The following ME1 variants were observed in gnomAD, a reference collection of about 807,000 sequenced individuals.
ME1 encodes the protein NADP-dependent malic enzyme.
Under a neutral mutation model 66.4 loss-of-function variants are expected in ME1, and 74 were observed. The observed-to-expected ratio is 1.11, with a 90% confidence interval of 0.92 to 1.35. The LOEUF is 1.35. ME1 is among the 40% of genes most tolerant of loss of function. The probability of loss-of-function intolerance (pLI) is 0.00; values close to 1 mark genes in which losing one functional copy is unlikely to be tolerated. For synonymous variants in ME1, 251 were observed against 235.6 expected (o/e 1.07, Z -0.60); for missense variants, 750 against 694.1 (o/e 1.08, Z -0.90).
intron 6 of ME1, among the ~76,000 whole-genome samples, chr6:83,277,048 AG>A (rs1767195726): frequency 6.6e-6 from 1 of 152,266 alleles, no homozygotes; most frequent in Non-Finnish European, 1.5e-5. Context: ...TCTGTATTGA[AG>A]TAAACTGCAT....
chr6:83,291,006 T>A (rs1414018276), intron 6 of ME1, among the ~76,000 whole-genome samples: 1 of 152,192 alleles, frequency 6.6e-6, no homozygotes, highest in Non-Finnish European at 1.5e-5. Flanking sequence ...TCAAGCCTGA[T>A]GTGTGTCTCT....
At chr6:83,377,454 T>G (rs1401468822) in intron 3 of ME1, among the ~76,000 whole-genome samples, 2 of 152,190 alleles carry the variant, frequency 1.3e-5, no homozygotes, top group Non-Finnish European at 2.9e-5. Context: ...CAAAAATGTC[T>G]TTTCAGAAAG....
At chr6:83,414,736 G>C (rs1190388818) in intron 1 of ME1, among the ~76,000 whole-genome samples, 1 of 152,058 alleles carries the variant, frequency 6.6e-6, no homozygotes, top group East Asian at 1.9e-4. Flanking sequence ...TCTTTGTAAG[G>C]CTGAAAAATT....
intron 6 of ME1, among the ~76,000 whole-genome samples, chr6:83,256,287 A>G (rs1766765753): frequency 6.6e-6 from 1 of 152,208 alleles, no homozygotes; most frequent in Admixed American, 6.5e-5. Flanking sequence ...CCACTTAAAA[A>G]TCTACAGATT....
At chr6:83,359,195 C>T (rs1333170112) in intron 3 of ME1, among the ~76,000 whole-genome samples, 3 of 151,574 alleles carry the variant, frequency 2.0e-5, no homozygotes, top group South Asian at 2.1e-4. Flanking sequence ...ACATCCCAGA[C>T]GATGCGGGAG....
intron 3 of ME1, among the ~76,000 whole-genome samples, chr6:83,385,432 A>G (rs1769487381): frequency 4.6e-5 from 7 of 151,938 alleles, no homozygotes. Context: ...TTAAGTCAAA[A>G]CACCTGAACG....
intron 3 of ME1, among the ~76,000 whole-genome samples, chr6:83,360,517 T>C (rs1368790441): frequency 3.3e-5 from 5 of 152,154 alleles, no homozygotes; most frequent in East Asian, 1.9e-4. Context: ...ATAATTGGCA[T>C]AGACATACTT....
chr6:83,347,420 T>A (rs1204404675), intron 4 of ME1, among the ~76,000 whole-genome samples: 4 of 152,208 alleles, frequency 2.6e-5, no homozygotes, highest in African/African-American at 7.2e-5. Flanking sequence ...ATTTATTAGA[T>A]AGTCTACAAA....
intron 4 of ME1, among the ~76,000 whole-genome samples, chr6:83,351,137 A>G (rs1267148675): frequency 1.3e-5 from 2 of 152,088 alleles, no homozygotes; most frequent in African/African-American, 2.4e-5. Flanking sequence ...GCTCACACCT[A>G]TTGTTTCAAT....
In ME1 at chr6:83,239,576, A is replaced by G. The variant is rs747297978; in HGVS notation, c.875T>C (p.Leu292Pro). 1 of 1,613,432 alleles carries G rather than the reference A, an allele frequency of 6.2e-7. No homozygotes were observed. The highest frequency in any genetic ancestry group is 8.5e-7 in the Non-Finnish European group (1 of 1,179,458). ...TTGGAATAGTATTGTTTGATCAGAC[A>G]GTTTGTTCTTGGTTATTCGAAGAGC... ...LAALRITKNK[L>P]SDQTILFQGA... The change falls in exon 8 of 14, where the codon CTG becomes CCG. Residue 292 changes from leucine to proline, a missense_variant. Transcript: ENST00000369705.
At chr6:83,380,282 A>G (rs751596996) in intron 3 of ME1, among the ~76,000 whole-genome samples, 3 of 152,116 alleles carry the variant, frequency 2.0e-5, no homozygotes, top group Non-Finnish European at 4.4e-5. Context: ...AAGAGATGAC[A>G]GAGAAGCAGG....
intron 3 of ME1, among the ~76,000 whole-genome samples, chr6:83,387,027 CCA>C (rs1769519894): frequency 6.6e-6 from 1 of 152,042 alleles, no homozygotes; most frequent in Non-Finnish European, 1.5e-5. Context: ...TAAGACAGTG[CCA>C]CAGTCTTATT....
At chr6:83,321,105 C>T (rs530822781) in intron 5 of ME1, among the ~76,000 whole-genome samples, 8 of 152,124 alleles carry the variant, frequency 5.3e-5, no homozygotes, top group African/African-American at 1.2e-4. Flanking sequence ...CTGCCCTGAG[C>T]GACTATGCAC....
chr6:83,246,932 A>G (rs1790634656), intron 7 of ME1, among the ~76,000 whole-genome samples: 1 of 152,154 alleles, frequency 6.6e-6, no homozygotes, highest in African/African-American at 2.4e-5. Flanking sequence ...TTGCTGTTTA[A>G]TAAATTTTTA....
rs551867628 is a variant in ME1, at chr6:83,430,990, G to C, written c.-36C>G. 7.7e-5 allele frequency: 106 copies of C among 1,383,274 alleles called. No individual in the cohort carries two copies. Among genetic ancestry groups the C allele is most frequent in the Non-Finnish European group, 9.8e-5 (103 of 1,048,466 alleles). The allele number at this position is 1,383,274 out of a possible 1,614,324, so 85.7% of individuals were successfully genotyped here. On this transcript the variant is annotated 5_prime_UTR_variant, in exon 1 of 14. Coordinates refer to ENST00000369705, the MANE Select transcript of ME1 (RefSeq NM_002395.6). Reference sequence around the variant, plus strand: ...GGGTTCGGCGGCGGGGTCAGGCCGGGGCGGGCCGCACGCGCGGTGCAGGCG... The same window carrying C: ...GGGTTCGGCGGCGGGGTCAGGCCGGCGCGGGCCGCACGCGCGGTGCAGGCG...
chr6:83,386,031 C>A (rs1459674687), intron 3 of ME1, among the ~76,000 whole-genome samples: 2 of 151,674 alleles, frequency 1.3e-5, no homozygotes, highest in Non-Finnish European at 2.9e-5. Flanking sequence ...TGTTTCATAT[C>A]TTTGAAAAAA....
chr6:83,387,860 T>C (rs532638149), intron 3 of ME1, among the ~76,000 whole-genome samples: 3 of 152,118 alleles, frequency 2.0e-5, no homozygotes, highest in Non-Finnish European at 4.4e-5. Context: ...ATCTGTGACA[T>C]TGCCAAAATC....
intron 12 of ME1, among the ~76,000 whole-genome samples, chr6:83,217,463 C>T (rs553876068): frequency 6.6e-6 from 1 of 152,256 alleles, no homozygotes; most frequent in East Asian, 1.9e-4. Flanking sequence ...CATCAGCAAA[C>T]ATATATGCAC....
At chr6:83,277,955 A>G (rs991323744) in intron 6 of ME1, among the ~76,000 whole-genome samples, 5 of 123,172 alleles carry the variant, frequency 4.1e-5, no homozygotes, top group Non-Finnish European at 9.0e-5. Flanking sequence ...AGTGTGCCAG[A>G]AAGCTTGCTT....
Sources: gnomAD v4.1 joint callset for allele counts (sites outside exome capture counted in the v4.1 genomes callset) on GRCh38, gnomAD v4.1.1 for gene constraint, MANE v1.5 for transcripts, NCBI Gene and HGNC (gene_info 2026-07-23, HGNC 2026-07-21) for gene names.